The following NYAP2 variants were observed in gnomAD, a reference collection of about 807,000 sequenced individuals.
NYAP2 encodes neuronal tyrosine-phosphorylated phosphoinositide-3-kinase adapter 2.
In NYAP2, 23 loss-of-function variants were observed where a neutral mutation model predicts 50.4. That is an observed-to-expected ratio of 0.46 (90% CI 0.33 to 0.65). NYAP2 has a LOEUF of 0.65. Among genes scored for constraint, NYAP2 ranks in the 30% least tolerant of loss-of-function variants. NYAP2 has a pLI of 0.02. For synonymous variants in NYAP2, 394 were observed against 365.2 expected, an observed-to-expected ratio of 1.08 and a Z score of -0.90; for missense variants, 885 against 861.0, an observed-to-expected ratio of 1.03 and a Z score of -0.35.
chr2:225,407,047 G>C (rs1694953460), intron 2 of NYAP2, among the ~76,000 whole-genome samples: 1 of 152,018 alleles, frequency 6.6e-6, no homozygotes, highest in Non-Finnish European at 1.5e-5. Context: ...TAGAATTCTT[G>C]TAATAGTGAC....
intron 3 of NYAP2, among the ~76,000 whole-genome samples, chr2:225,448,100 C>T (rs552452393): frequency 2.0e-5 from 3 of 152,240 alleles, no homozygotes; most frequent in East Asian, 3.9e-4. Flanking sequence ...ACAAGTGTGA[C>T]GCTATGGCTG....
chr2:225,482,427 G>T (rs1690222174), intron 3 of NYAP2, among the ~76,000 whole-genome samples: 1 of 151,978 alleles, frequency 6.6e-6, no homozygotes, highest in Non-Finnish European at 1.5e-5. Flanking sequence ...AGCCTTTGTT[G>T]CCACTGTTTC....
At chr2:225,440,704 A>G (rs1270348135) in intron 3 of NYAP2, among the ~76,000 whole-genome samples, 1 of 152,200 alleles carries the variant, frequency 6.6e-6, no homozygotes, top group African/African-American at 2.4e-5. Context: ...GGAGAAGAGC[A>G]AAAAAATAGG....
chr2:225,481,918 A>G (rs776617348), intron 3 of NYAP2, among the ~76,000 whole-genome samples: 1 of 152,124 alleles, frequency 6.6e-6, no homozygotes, highest in Non-Finnish European at 1.5e-5. Context: ...AGAGAGAGAC[A>G]TCAATAACAA....
intron 4 of NYAP2, among the ~76,000 whole-genome samples, chr2:225,565,182 G>A (rs1691940942): frequency 6.6e-6 from 1 of 151,570 alleles, no homozygotes; most frequent in South Asian, 2.1e-4. Context: ...ATTTTCTATT[G>A]TCATGCATAT....
intron 4 of NYAP2, among the ~76,000 whole-genome samples, chr2:225,518,347 C>T (rs997392205): frequency 1.7e-4 from 25 of 150,044 alleles, no homozygotes; most frequent in Admixed American, 1.4e-3. Context: ...TCACCAGGGG[C>T]TAGGGCAGGA....
chr2:225,661,194 C>T, the NYAP2 span, among the ~76,000 whole-genome samples: 1 of 152,154 alleles, frequency 6.6e-6, no homozygotes, highest in Non-Finnish European at 1.5e-5. Context: ...GTAAATTTAC[C>T]TCCAACTTAA....
intron 6 of NYAP2, among the ~76,000 whole-genome samples, chr2:225,641,408 AC>A (rs1489670529): frequency 3.4e-5 from 5 of 147,052 alleles, no homozygotes; most frequent in Non-Finnish European, 6.0e-5. Flanking sequence ...CAACACAGGA[AC>A]TGCAATCCCT....
intron 3 of NYAP2, among the ~76,000 whole-genome samples, chr2:225,448,084 C>A (rs1176884836): frequency 2.0e-5 from 3 of 152,270 alleles, no homozygotes; most frequent in African/African-American, 4.8e-5. Flanking sequence ...GCTCTGCTGG[C>A]AAAATACAAG....
At chr2:225,656,155 T>C (rs543630378), downstream of NYAP2, among the ~76,000 whole-genome samples, 19 of 152,268 alleles carry the variant, frequency 1.2e-4, no homozygotes, top group Middle Eastern at 0.01. Flanking sequence ...CACTTGTAAT[T>C]TCCTTTGGAC....
chr2:225,475,066 T>C (rs1046347541), intron 3 of NYAP2, among the ~76,000 whole-genome samples: 2 of 152,212 alleles, frequency 1.3e-5, no homozygotes, highest in Admixed American at 1.3e-4. Context: ...TTTTAAAATA[T>C]TAAATTTATA....
intron 4 of NYAP2, among the ~76,000 whole-genome samples, chr2:225,580,923 A>G (rs1471060277): frequency 1.3e-5 from 2 of 152,226 alleles, no homozygotes; most frequent in African/African-American, 2.4e-5. Flanking sequence ...GCTACATTGC[A>G]TAATAAAGAT....
At position 225,446,289 on chromosome 2, in the gene NYAP2, TAGG is replaced by T. The variant is rs1689564046; in HGVS notation, c.221+37190_221+37192del. 2.2e-5 allele frequency among the ~76,000 whole-genome samples: 3 copies of T among 138,336 alleles called. No individual in the cohort carries two copies. The South Asian group carries it at 7.1e-4, about 33-fold the overall frequency. 90.8% of individuals were successfully genotyped at this position (138,336 alleles called of 152,430 possible). ...ATATATATATATATATATGTGGAATTAGGAAGCAGAAAATGAATATTAGCTGTT... is the reference window on the plus strand; with the variant it reads ...ATATATATATATATATATGTGGAATTAAGCAGAAAATGAATATTAGCTGTT... On this transcript the variant is annotated intron_variant, in intron 3 of 6. Coordinates refer to ENST00000636099, the Ensembl canonical transcript of NYAP2.
intron 4 of NYAP2, among the ~76,000 whole-genome samples, chr2:225,524,746 T>C (rs1314753189): frequency 1.3e-5 from 2 of 152,062 alleles, no homozygotes; most frequent in East Asian, 1.9e-4. Context: ...ACTAGACAAA[T>C]GGGACTTAAA....
chr2:225,579,579 T>A (rs1387834700), intron 4 of NYAP2, among the ~76,000 whole-genome samples: 1 of 152,222 alleles, frequency 6.6e-6, no homozygotes, highest in Non-Finnish European at 1.5e-5. Flanking sequence ...TTGGAGTAAA[T>A]CCAGACATAG....
intron 4 of NYAP2, among the ~76,000 whole-genome samples, chr2:225,534,251 C>T (rs145966887): frequency 1.8e-3 from 269 of 152,262 alleles, no homozygotes; most frequent in African/African-American, 6.1e-3. Flanking sequence ...CTAGCATTTC[C>T]CTCATTCCCC....
chr2:225,687,182 T>G, the NYAP2 span, among the ~76,000 whole-genome samples: 1 of 152,146 alleles, frequency 6.6e-6, no homozygotes, highest in Admixed American at 6.5e-5. Context: ...ACTTAATCTC[T>G]TCAAGCTTCA....
chr2:225,646,264 C>A (rs1202326065), intron 6 of NYAP2, among the ~76,000 whole-genome samples: 1 of 152,112 alleles, frequency 6.6e-6, no homozygotes, highest in African/African-American at 2.4e-5. Flanking sequence ...AAAAAATATT[C>A]CTGCTGGCTG....
chr2:225,667,864 C>T, the NYAP2 span, among the ~76,000 whole-genome samples: 6 of 152,020 alleles, frequency 3.9e-5, no homozygotes, highest in African/African-American at 1.2e-4. Flanking sequence ...TGCTTTTAAA[C>T]ACATACAGTT....
Sources: gnomAD v4.1 joint callset for allele counts (sites outside exome capture counted in the v4.1 genomes callset) on GRCh38, gnomAD v4.1.1 for gene constraint, MANE v1.5 for transcripts, NCBI Gene and HGNC (gene_info 2026-07-23, HGNC 2026-07-21) for gene names.